Variants in C10orf90 observed in about 807,000 individuals in gnomAD.
C10orf90 encodes chromosome 10 open reading frame 90.
A neutral mutation model predicts 62.5 loss-of-function variants in C10orf90; 56 were observed. The observed-to-expected ratio is 0.90, with a 90% confidence interval of 0.72 to 1.12. The LOEUF (loss-of-function observed/expected upper bound fraction) is 1.12. Ranked by LOEUF, C10orf90 falls within the 50% of genes most tolerant of loss-of-function variation. The pLI is 0.00. For missense variants in C10orf90, 970 were observed against 880.4 expected, an observed-to-expected ratio of 1.10 and a Z score of -1.29; for synonymous variants, 386 against 340.4, an observed-to-expected ratio of 1.13 and a Z score of -1.47.
intron 4 of C10orf90, among the ~76,000 whole-genome samples, chr10:126,490,037 T>TATATAAC (rs1454036347): frequency 1.8e-5 from 2 of 112,540 alleles, no homozygotes; most frequent in Non-Finnish European, 3.5e-5. Context: ...TAATATATAA[T>TATATAAC]ATATATTATA....
Position 126,565,033 on chromosome 10 carries a change from TAAAATATATAATATATAA to T in C10orf90, c.314-51112_314-51095del. Among the ~76,000 whole-genome samples, 14 of 28,018 alleles carry T rather than the reference TAAAATATATAATATATAA, an allele frequency of 5.0e-4. 3 individuals are homozygous for T. Among genetic ancestry groups the T allele is most frequent in the Non-Finnish European group, 7.7e-4 (13 of 16,878 alleles). 18.4% of individuals were successfully genotyped at this position (28,018 alleles called of 152,430 possible). A position where few individuals can be genotyped will look rare whatever the true frequency, so the allele number is the denominator to read the frequency against. ...TATATAATATATATTATATATTATA[TAAAATATATAATATATAA>T]TATATAAAATATATATTATATATAA... On this transcript the variant is annotated intron_variant, in intron 2 of 9. Coordinates refer to ENST00000488181, the MANE Select transcript of C10orf90 (RefSeq NM_001350921.2).
At position 126,453,693 on chromosome 10, in the gene C10orf90, G is replaced by T. The variant is rs561025559; in HGVS notation, c.2188+5347C>A. Among the ~76,000 whole-genome samples, 8 of 152,172 alleles carry T rather than the reference G, an allele frequency of 5.3e-5. No individual in the cohort carries two copies. The highest frequency in any genetic ancestry group is 1.2e-4 in the Non-Finnish European group (8 of 68,046). On this transcript the variant is annotated intron_variant, in intron 7 of 9. Transcript: ENST00000488181. This position sits in a 1 kb window ranked among gnomAD's most constrained non-coding sequence, Gnocchi z 4.9. The stretch of plus-strand genomic sequence containing the variant: ...CAGTAGCAGTAATTCATAACAAAGT[G>T]CTCGGCTGAGAGATGAAAGCCACCA...
intron 7 of C10orf90, among the ~76,000 whole-genome samples, chr10:126,442,935 T>C (rs1159193862): frequency 1.3e-5 from 2 of 151,918 alleles, no homozygotes; most frequent in Admixed American, 6.6e-5. Context: ...GAAATCAAGA[T>C]GGAAATTAAA....
intron 5 of C10orf90, among the ~76,000 whole-genome samples, chr10:126,463,563 C>A (rs1359183490): frequency 6.6e-6 from 1 of 152,178 alleles, no homozygotes; most frequent in Non-Finnish European, 1.5e-5. Flanking sequence ...TGCGCCCTGG[C>A]CCCACCCTCT....
intron 2 of C10orf90, among the ~76,000 whole-genome samples, chr10:126,636,318 G>A (rs1029871413): frequency 2.6e-5 from 4 of 152,088 alleles, no homozygotes; most frequent in Non-Finnish European, 5.9e-5. Flanking sequence ...TTTCACCAAG[G>A]GGAGTTAAGG....
chr10:126,655,921 G>C (rs113671723), intron 1 of C10orf90, among the ~76,000 whole-genome samples: 82 of 152,142 alleles, frequency 5.4e-4, no homozygotes, highest in African/African-American at 1.7e-3. Flanking sequence ...CTGGGCCTGG[G>C]GGGGAGAAGA....
chr10:126,522,664 G>C (rs1863797021), intron 2 of C10orf90: 1 of 152,218 alleles, frequency 6.6e-6, no homozygotes, highest in African/African-American at 2.4e-5. Context: ...CTTGTGGAGA[G>C]GGCACTATGA....
chr10:126,604,543 G>C (rs1482941841), intron 2 of C10orf90, among the ~76,000 whole-genome samples: 2 of 152,190 alleles, frequency 1.3e-5, no homozygotes, highest in Non-Finnish European at 2.9e-5. Flanking sequence ...TAATCTGTAA[G>C]ACACAGAAAT....
In C10orf90 at chr10:126,425,808, C is replaced by T; in HGVS notation, c.*56G>A. ...GATAATGCTAAGTTTAATGGCTTAT[C>T]CAGCATTCGAAGTCCTCCCAGGTCC... is the stretch of plus-strand genomic sequence containing the variant. On this transcript the variant is annotated 3_prime_UTR_variant, in exon 10 of 10. Coordinates refer to ENST00000488181, the MANE Select transcript of C10orf90 (RefSeq NM_001350921.2). 2 of 1,544,024 alleles carry T rather than the reference C, an allele frequency of 1.3e-6. No individual in the cohort carries two copies. The highest frequency in any genetic ancestry group is 3.9e-5 in the Admixed American group (2 of 51,630).
At chr10:126,450,180 A>G (rs1163261440) in intron 7 of C10orf90, among the ~76,000 whole-genome samples, 3 of 152,184 alleles carry the variant, frequency 2.0e-5, no homozygotes, top group Admixed American at 2.0e-4. Flanking sequence ...GAAACTGAAG[A>G]CATAATTAAA....
Position 126,564,338 on chromosome 10 carries a change from T to C in C10orf90, c.314-50399A>G, listed in dbSNP as rs140184396. ...CAGAAGAGGGTCTAGAAGTGGTGACTCTAACCTGGGTCCCAAAGGCAGCAG... is the reference window on the plus strand; with the variant it reads ...CAGAAGAGGGTCTAGAAGTGGTGACCCTAACCTGGGTCCCAAAGGCAGCAG... On this transcript the variant is annotated intron_variant, in intron 2 of 9. Coordinates refer to ENST00000488181, the MANE Select transcript of C10orf90 (RefSeq NM_001350921.2). Among the ~76,000 whole-genome samples, 41 of 152,048 alleles carry C rather than the reference T, an allele frequency of 2.7e-4. No homozygotes were observed. In the East Asian group the frequency reaches 7.8e-3, roughly 29 times the overall value.
intron 5 of C10orf90, among the ~76,000 whole-genome samples, chr10:126,462,331 C>T (rs547339540): frequency 6.6e-6 from 1 of 152,234 alleles, no homozygotes; most frequent in East Asian, 1.9e-4. Flanking sequence ...CTGAAACCAC[C>T]CCAGTTCTGA....
chr10:126,653,904 CA>C (rs1846340169), intron 1 of C10orf90, among the ~76,000 whole-genome samples: 1 of 152,196 alleles, frequency 6.6e-6, no homozygotes, highest in Non-Finnish European at 1.5e-5. Flanking sequence ...TCTTCTTGTA[CA>C]TTTCCATCGG....
chr10:126,496,750 A>G (rs1236350225), intron 4 of C10orf90: 1 of 974,520 alleles, frequency 1.0e-6, no homozygotes, highest in East Asian at 1.1e-4. Context: ...GAGGAAGGAA[A>G]CACATCAAGC....
chr10:126,638,521 G>C (rs1160953340), intron 2 of C10orf90, among the ~76,000 whole-genome samples: 1 of 152,070 alleles, frequency 6.6e-6, no homozygotes, highest in Non-Finnish European at 1.5e-5. Flanking sequence ...CTGGGTCCCA[G>C]CTGGTCTCAT....
At chr10:126,460,470 C>T (rs559215881) in intron 6 of C10orf90, among the ~76,000 whole-genome samples, 1 of 152,370 alleles carries the variant, frequency 6.6e-6, no homozygotes, top group East Asian at 1.9e-4. Context: ...CATATGTGTC[C>T]CTGGCAGCTA....
intron 3 of C10orf90, among the ~76,000 whole-genome samples, chr10:126,510,218 T>G (rs917658036): frequency 6.6e-6 from 1 of 152,056 alleles, no homozygotes; most frequent in South Asian, 2.1e-4. Flanking sequence ...ATAAATTTAG[T>G]GGGGGTAGTG....
chr10:126,588,620 AAAG>A (rs1844920687), intron 2 of C10orf90, among the ~76,000 whole-genome samples: 1 of 152,226 alleles, frequency 6.6e-6, no homozygotes, highest in Non-Finnish European at 1.5e-5. Context: ...TATTAAAAGA[AAAG>A]AAAACAAAAC....
At chr10:126,630,238 T>A (rs1377924191) in intron 2 of C10orf90, among the ~76,000 whole-genome samples, 1 of 152,158 alleles carries the variant, frequency 6.6e-6, no homozygotes, top group Non-Finnish European at 1.5e-5. Flanking sequence ...CTGCTCTGCC[T>A]TTATGTTGAA....
Sources: gnomAD v4.1 joint callset for allele counts (sites outside exome capture counted in the v4.1 genomes callset) on GRCh38, gnomAD v4.1.1 for gene constraint, Gnocchi (gnomAD v3.1) non-coding constraint, MANE v1.5 for transcripts, NCBI Gene and HGNC (gene_info 2026-07-23, HGNC 2026-07-21) for gene names.